The following SMYD3 variants were observed in gnomAD, a reference collection of about 807,000 sequenced individuals.
SMYD3 encodes the protein histone-lysine N-methyltransferase SMYD3.
A neutral mutation model predicts 57.7 loss-of-function variants in SMYD3; 36 were observed. The ratio of observed to expected loss-of-function variants is 0.62; its 90% CI spans 0.48 to 0.82. SMYD3 has a LOEUF of 0.82. SMYD3 is among the 40% of genes least tolerant of loss of function. The pLI is 0.00. For missense variants in SMYD3, 515 were observed against 538.8 expected (o/e 0.96, Z 0.44); for synonymous variants, 211 against 195.0 (o/e 1.08, Z -0.68).
intron 5 of SMYD3, among the ~76,000 whole-genome samples, chr1:246,029,691 GAAAGAA>G (rs1286526274): frequency 6.5e-5 from 9 of 138,790 alleles, no homozygotes; most frequent in Non-Finnish European, 9.4e-5. Flanking sequence ...AAAAAAAAAA[GAAAGAA>G]AAAGAAAAAG....
chr1:246,154,794 T>TTG (rs2061997687), intron 5 of SMYD3, among the ~76,000 whole-genome samples: 1 of 151,920 alleles, frequency 6.6e-6, no homozygotes. Flanking sequence ...TTTTTGTTTT[T>TTG]TTTTTGAGAT....
chr1:245,957,892 CA>C (rs2057893398), intron 5 of SMYD3, among the ~76,000 whole-genome samples: 1 of 152,076 alleles, frequency 6.6e-6, no homozygotes, highest in African/African-American at 2.4e-5. Context: ...ACCTTCACTC[CA>C]AAATGTAGAA....
chr1:246,250,229 G>C (rs899027131), intron 5 of SMYD3, among the ~76,000 whole-genome samples: 2 of 152,160 alleles, frequency 1.3e-5, no homozygotes, highest in Non-Finnish European at 2.9e-5. Flanking sequence ...TGTGACTGCT[G>C]AAACCTCATT....
chr1:246,175,379 A>C (rs559517451), intron 5 of SMYD3, among the ~76,000 whole-genome samples: 59 of 152,348 alleles, frequency 3.9e-4, no homozygotes, highest in African/African-American at 1.1e-3. Flanking sequence ...CAGGTAAAAT[A>C]AATGCTTTGT....
chr1:245,840,016 G>A (rs537446048), intron 10 of SMYD3, among the ~76,000 whole-genome samples: 24 of 152,118 alleles, frequency 1.6e-4, no homozygotes, highest in Non-Finnish European at 3.2e-4. Flanking sequence ...TCTGCACAAT[G>A]AAGTCAGGGA....
At chr1:245,812,079 G>A (rs1483517194) in intron 10 of SMYD3, among the ~76,000 whole-genome samples, 2 of 152,112 alleles carry the variant, frequency 1.3e-5, no homozygotes, top group Non-Finnish European at 2.9e-5. Context: ...AATTATGTTC[G>A]GTGGCTTGAG....
chr1:246,101,063 G>GTTTTTTTT (rs1558228762), intron 5 of SMYD3, among the ~76,000 whole-genome samples: 2 of 93,002 alleles, frequency 2.2e-5, no homozygotes, highest in African/African-American at 3.2e-5. Flanking sequence ...TATTTTTAGG[G>GTTTTTTTT]GTTTTTTGTT....
intron 5 of SMYD3, among the ~76,000 whole-genome samples, chr1:246,286,547 C>T (rs12047800): frequency 0.12 from 18,728 of 152,110 alleles, 1,495 homozygotes; most frequent in East Asian, 0.19. Context: ...AAAATTAGTG[C>T]TAGTTTTCTA....
intron 9 of SMYD3, among the ~76,000 whole-genome samples, 191 bp from the exon 10 acceptor site, chr1:245,858,861 T>A (rs1558429725): frequency 6.6e-6 from 1 of 152,182 alleles, no homozygotes. Flanking sequence ...TGAAGTGAAT[T>A]CTGTTTACAT....
intron 1 of SMYD3, among the ~76,000 whole-genome samples, chr1:246,481,352 C>A (rs1401424149): frequency 6.6e-6 from 1 of 151,444 alleles, no homozygotes; most frequent in Non-Finnish European, 1.5e-5. Flanking sequence ...CTGAGGAAAG[C>A]AGATTGCCCT....
chr1:246,022,513 G>A (rs58870979), intron 5 of SMYD3, among the ~76,000 whole-genome samples: 4,611 of 152,198 alleles, frequency 0.03, 101 homozygotes, highest in South Asian at 0.042. Flanking sequence ...TGGTTTCCTC[G>A]TCTGTATATA....
chr1:246,248,984 A>C (rs1387549459), intron 5 of SMYD3, among the ~76,000 whole-genome samples: 2 of 150,706 alleles, frequency 1.3e-5, no homozygotes, highest in East Asian at 4.0e-4. Flanking sequence ...CCTAATTCAC[A>C]GTATTTCTCT....
At chr1:246,489,855 G>A (rs1470713742) in intron 1 of SMYD3, among the ~76,000 whole-genome samples, 1 of 151,936 alleles carries the variant, frequency 6.6e-6, no homozygotes, top group Non-Finnish European at 1.5e-5. Flanking sequence ...TTTTTTTTGA[G>A]ACAGAGTCTC....
chr1:245,780,646 C>A (rs186836351), intron 10 of SMYD3, among the ~76,000 whole-genome samples: 2 of 152,258 alleles, frequency 1.3e-5, no homozygotes, highest in Admixed American at 6.5e-5. Flanking sequence ...TGCTAAAAAA[C>A]CCACTGAAAT....
intron 5 of SMYD3, among the ~76,000 whole-genome samples, chr1:246,068,608 C>T (rs1412747918): frequency 6.6e-6 from 1 of 152,146 alleles, no homozygotes; most frequent in Non-Finnish European, 1.5e-5. Context: ...CAGTCAAACC[C>T]CTACCACAGT....
intron 8 of SMYD3, among the ~76,000 whole-genome samples, chr1:245,868,217 A>G: frequency 6.6e-6 from 1 of 152,196 alleles, no homozygotes; most frequent in East Asian, 1.9e-4. Context: ...TGAAGCTTAC[A>G]TAATTGGTCC....
chr1:246,385,448 A>C (rs2066459932), intron 1 of SMYD3, among the ~76,000 whole-genome samples: 1 of 151,816 alleles, frequency 6.6e-6, no homozygotes, highest in Non-Finnish European at 1.5e-5. Context: ...AAATATTAAA[A>C]TGTTATAAAT....
intron 10 of SMYD3, among the ~76,000 whole-genome samples, chr1:245,827,964 G>C (rs1295923054): frequency 6.6e-6 from 1 of 152,176 alleles, no homozygotes; most frequent in Non-Finnish European, 1.5e-5. Flanking sequence ...CCTAAAGCCT[G>C]AAGTGGGCAG....
intron 1 of SMYD3, among the ~76,000 whole-genome samples, chr1:246,364,957 T>C (rs923619582): frequency 1.3e-5 from 2 of 151,922 alleles, no homozygotes; most frequent in African/African-American, 4.8e-5. Flanking sequence ...TTCAGACAAA[T>C]ATGAACTCAA....
Sources: allele counts gnomAD v4.1 joint callset (sites outside exome capture counted in the v4.1 genomes callset), GRCh38; gene constraint gnomAD v4.1.1; transcripts MANE v1.5; gene names NCBI Gene and HGNC (gene_info 2026-07-23, HGNC 2026-07-21).